Variants in B4GALNT2 observed in about 807,000 individuals in gnomAD.
B4GALNT2 encodes the protein N-acetylneuraminylgalactosylglucosyl-glucoside beta-1,4-N- acetylgalactosaminyltransferase 2.
Under a neutral mutation model 51.1 loss-of-function variants are expected in B4GALNT2, and 42 were observed. The ratio of observed to expected loss-of-function variants is 0.82; its 90% CI spans 0.64 to 1.06. The LOEUF is 1.06. Ranked by LOEUF, B4GALNT2 falls within the 50% of genes least tolerant of loss-of-function variation. B4GALNT2 has a pLI of 0.00. For synonymous variants in B4GALNT2, 253 were observed against 251.7 expected, an observed-to-expected ratio of 1.01 and a Z score of -0.05; for missense variants, 602 against 633.6, an observed-to-expected ratio of 0.95 and a Z score of 0.54.
At chr17:49,139,469 G>A (rs569642895) in intron 1 of B4GALNT2, among the ~76,000 whole-genome samples, 4 of 152,034 alleles carry the variant, frequency 2.6e-5, no homozygotes, top group East Asian at 1.9e-4. Flanking sequence ...CAAGCGATCC[G>A]CCTGCCTCGG....
intron 9 of B4GALNT2, among the ~76,000 whole-genome samples, chr17:49,167,560 C>A (rs1372919796): frequency 6.6e-6 from 1 of 151,080 alleles, no homozygotes; most frequent in Non-Finnish European, 1.5e-5. Context: ...CCATTACCTG[C>A]ATAACGAACA....
rs111351855 is a variant in B4GALNT2, at chr17:49,168,551, T to A, written c.1096-130T>A. Reference sequence around the variant, plus strand: ...CAGCAACGAGGGAGTAACTGAGGGATAATTTGAAGGATAGACAGAGAAATA... The same window carrying A: ...CAGCAACGAGGGAGTAACTGAGGGAAAATTTGAAGGATAGACAGAGAAATA... On this transcript the variant is annotated intron_variant, in intron 9 of 10. Coordinates refer to ENST00000393354, the MANE Select transcript of B4GALNT2 (RefSeq NM_001159387.2). 277 of 935,584 alleles carry A rather than the reference T, an allele frequency of 3.0e-4. 1 individual carries two copies. In the African/African-American group the frequency reaches 4.0e-3, roughly 13 times the overall value. The allele number at this position is 935,584 out of a possible 1,614,324, so 58.0% of individuals were successfully genotyped here.
the B4GALNT2 span, among the ~76,000 whole-genome samples, chr17:49,126,496 TA>T: frequency 7.6e-4 from 90 of 118,770 alleles, no homozygotes; most frequent in East Asian, 1.9e-3. Flanking sequence ...GAATGATCAA[TA>T]AAAAAAAAAA....
At chr17:49,142,234 G>A in intron 3 of B4GALNT2, 62 bp downstream of exon 3, 3 of 1,594,212 alleles carry the variant, frequency 1.9e-6, no homozygotes, top group Non-Finnish European at 2.6e-6. Context: ...CCTATGTCCT[G>A]AGGTTGTGAA....
In B4GALNT2 at chr17:49,160,779, G is replaced by T. The variant is rs1054127814; in HGVS notation, c.766+138G>T. The T allele has an allele frequency of 6.5e-6, 5 of 773,692 alleles. No individual in the cohort carries two copies. The African/African-American group carries it at 8.7e-5, about 13-fold the overall frequency. 47.9% of individuals were successfully genotyped at this position (773,692 alleles called of 1,614,324 possible). A position where few individuals can be genotyped will look rare whatever the true frequency, so the allele number is the denominator to read the frequency against. On this transcript the variant is annotated intron_variant, in intron 7 of 10. Coordinates refer to ENST00000393354, the MANE Select transcript of B4GALNT2 (RefSeq NM_001159387.2). ...TATGCTCCCTGACAAGCTTCGTTTGGAGGAAAAAAACTCTAAGACACAATC... is the reference window on the plus strand; with the variant it reads ...TATGCTCCCTGACAAGCTTCGTTTGTAGGAAAAAAACTCTAAGACACAATC...
chr17:49,133,737 A>AC, intron 1 of B4GALNT2, among the ~76,000 whole-genome samples: 1 of 152,164 alleles, frequency 6.6e-6, no homozygotes, highest in East Asian at 1.9e-4. Flanking sequence ...ACATGGTGAA[A>AC]CCCCGTCTCT....
At chr17:49,123,573 A>G in the B4GALNT2 span, among the ~76,000 whole-genome samples, 1 of 152,238 alleles carries the variant, frequency 6.6e-6, no homozygotes, top group Admixed American at 6.5e-5. Context: ...ATTTGCATAC[A>G]GTGCAGCAAG....
At chr17:49,162,011 G>A (rs12938503) in intron 7 of B4GALNT2, among the ~76,000 whole-genome samples, 65,484 of 150,302 alleles carry the variant, frequency 0.44, 15,214 homozygotes, top group East Asian at 0.81. Context: ...TTTTTGAGAC[G>A]GAGTCTTGCT....
At position 49,170,903 on chromosome 17, in the gene B4GALNT2, G is replaced by C. The variant is rs1420380510; in HGVS notation, c.*1175G>C. The C allele has an allele frequency of 6.5e-6, 1 of 152,852 alleles. No individual in the cohort carries two copies. The highest frequency in any genetic ancestry group is 2.4e-5 in the African/African-American group (1 of 41,448). 9.5% of individuals were successfully genotyped at this position (152,852 alleles called of 1,614,324 possible). A position where few individuals can be genotyped will look rare whatever the true frequency, so the allele number is the denominator to read the frequency against. ...GGGCCGAAACAAAGGGATGGGCTCT[G>C]GCTAGTTATCTGCAGCAGGAACATG... On this transcript the variant is annotated 3_prime_UTR_variant, in exon 11 of 11. Transcript: ENST00000393354.
chr17:49,136,225 T>G (rs2042588929), intron 1 of B4GALNT2, among the ~76,000 whole-genome samples: 2 of 152,006 alleles, frequency 1.3e-5, no homozygotes, highest in African/African-American at 4.8e-5. Context: ...TCTCAATCTA[T>G]TCATATATAT....
chr17:49,156,509 G>A (rs971801530), intron 4 of B4GALNT2, 57 bp from the exon 5 acceptor site: 24 of 1,584,340 alleles, frequency 1.5e-5, no homozygotes, highest in African/African-American at 9.4e-5. Flanking sequence ...CGAGAGCAGC[G>A]GGGAGCTGCG....
At position 49,155,165 on chromosome 17, in the gene B4GALNT2, C is replaced by T. The variant is rs555301398; in HGVS notation, c.461-1401C>T. On this transcript the variant is annotated intron_variant, in intron 4 of 10. Coordinates refer to ENST00000393354, the MANE Select transcript of B4GALNT2 (RefSeq NM_001159387.2). The stretch of plus-strand genomic sequence containing the variant: ...CTCTACTAAAAATACAAAAATTAGC[C>T]AGGCATGGTGGTACATGCCTGTGGT... 2.0e-5 allele frequency among the ~76,000 whole-genome samples: 3 copies of T among 151,100 alleles called. No individual in the cohort carries two copies. The South Asian group carries it at 6.3e-4, about 32-fold the overall frequency.
At chr17:49,139,704 C>T (rs1186239712) in intron 1 of B4GALNT2, among the ~76,000 whole-genome samples, 1 of 152,076 alleles carries the variant, frequency 6.6e-6, no homozygotes, top group African/African-American at 2.4e-5. Context: ...TTTGTAGATA[C>T]AGGGTCTTGT....
chr17:49,155,637 A>G (rs1232835338), intron 4 of B4GALNT2, among the ~76,000 whole-genome samples: 1 of 148,350 alleles, frequency 6.7e-6, no homozygotes, highest in Admixed American at 6.8e-5. Flanking sequence ...ATAGAAACAT[A>G]TATATTATAT....
the B4GALNT2 span, among the ~76,000 whole-genome samples, chr17:49,121,087 CA>C: frequency 6.6e-6 from 1 of 152,152 alleles, no homozygotes; most frequent in Non-Finnish European, 1.5e-5. Context: ...TGAGCAACAG[CA>C]AAGGCTGAAT....
the B4GALNT2 span, among the ~76,000 whole-genome samples, chr17:49,120,484 C>CTGTG: frequency 5.1e-4 from 74 of 144,162 alleles, no homozygotes; most frequent in South Asian, 1.6e-3. Flanking sequence ...GTGTGTGTGT[C>CTGTG]TGTGTGTGTG....
At position 49,168,745 on chromosome 17, in the gene B4GALNT2, G is replaced by A; in HGVS notation, c.1160G>A (p.Gly387Glu). 6.2e-7 allele frequency: 1 copy of A among 1,614,108 alleles called. No individual in the cohort carries two copies. The highest frequency in any genetic ancestry group is 8.5e-7 in the Non-Finnish European group (1 of 1,180,032). The change falls in exon 10 of 11, where the codon GGG becomes GAG. Residue 387 changes from glycine to glutamate, a missense_variant. Physicochemically the swap from Gly to Glu is moderately conservative, Grantham distance 98 (BLOSUM62 -2). Coordinates refer to ENST00000393354, the MANE Select transcript of B4GALNT2 (RefSeq NM_001159387.2). ...TTGTTGCTGGAACAGAGTGAGAATG[G>A]GGCCTGCCTTCACAAGAGGATGGGA... The part of the protein sequence containing the change: ...FKLLLEQSEN[G>E]ACLHKRMGFF...
intron 7 of B4GALNT2, among the ~76,000 whole-genome samples, chr17:49,162,451 G>A (rs1168351784): frequency 6.6e-6 from 1 of 152,122 alleles, no homozygotes; most frequent in African/African-American, 2.4e-5. Context: ...CTGTGGTTAG[G>A]AATGTAAATT....
At chr17:49,168,173 G>C (rs2042927758) in intron 9 of B4GALNT2, among the ~76,000 whole-genome samples, 1 of 152,196 alleles carries the variant, frequency 6.6e-6, no homozygotes, top group South Asian at 2.1e-4. Flanking sequence ...CTCATCTGTT[G>C]TGCTCAGGCT....
Sources: gnomAD v4.1 joint callset for allele counts (sites outside exome capture counted in the v4.1 genomes callset) on GRCh38, gnomAD v4.1.1 for gene constraint, MANE v1.5 for transcripts, NCBI Gene and HGNC (gene_info 2026-07-23, HGNC 2026-07-21) for gene names.